The following SFI1 variants were observed in gnomAD, a reference collection of about 807,000 sequenced individuals.
SFI1 encodes the protein protein SFI1 homolog.
In SFI1, 195 loss-of-function variants were observed where a neutral mutation model predicts 207.5. That is an observed-to-expected ratio of 0.94 (90% CI 0.84 to 1.06). The LOEUF (loss-of-function observed/expected upper bound fraction) is 1.06. Ranked by LOEUF, SFI1 falls within the 50% of genes least tolerant of loss-of-function variation. The pLI, the probability that SFI1 is intolerant of heterozygous loss-of-function variation, is 0.00. For synonymous variants in SFI1, 630 were observed against 598.9 expected, an observed-to-expected ratio of 1.05 and a Z score of -0.76; for missense variants, 1,634 against 1,588.0, an observed-to-expected ratio of 1.03 and a Z score of -0.49.
chr22:31,562,451 A>C lies in SFI1; in HGVS notation c.765+1059A>C, dbSNP rs564933959. Reference sequence around the variant, plus strand: ...GGGCCCTGTCTCAAAAAAAAAAAAAAAAAAGAAGTAGATTTTATTGTGGTC... The same window carrying C: ...GGGCCCTGTCTCAAAAAAAAAAAAACAAAAGAAGTAGATTTTATTGTGGTC... On this transcript the variant is annotated intron_variant, in intron 8 of 32. Coordinates refer to ENST00000400288, the MANE Select transcript of SFI1 (RefSeq NM_001007467.3). Among the ~76,000 whole-genome samples the C allele has an allele frequency of 2.5e-4, 38 of 151,798 alleles. 1 individual carries two copies. The highest frequency in any genetic ancestry group is 1.8e-4 in the Non-Finnish European group (12 of 67,980).
intron 6 of SFI1, among the ~76,000 whole-genome samples, chr22:31,552,116 T>C (rs2060678534): frequency 6.6e-6 from 1 of 152,182 alleles, no homozygotes; most frequent in Non-Finnish European, 1.5e-5. Flanking sequence ...CGCTTATAAG[T>C]GAGAATATGT....
chr22:31,575,058 C>T (rs1006285897), intron 9 of SFI1, among the ~76,000 whole-genome samples, 173 bp from the exon 10 acceptor site: 5 of 119,104 alleles, frequency 4.2e-5, no homozygotes, highest in Non-Finnish European at 8.8e-5. Flanking sequence ...GACTCCAACT[C>T]AAAGAAAAAA....
At chr22:31,509,003 GA>G (rs2055088473) in intron 2 of SFI1, among the ~76,000 whole-genome samples, 1 of 152,090 alleles carries the variant, frequency 6.6e-6, no homozygotes, top group African/African-American at 2.4e-5. Flanking sequence ...AATGTTAATG[GA>G]TTTTGTCACA....
chr22:31,569,442 GGGTCAGAGGAACAAGTTAAAGACACC>G (rs1232292436), intron 8 of SFI1, among the ~76,000 whole-genome samples: 1 of 152,092 alleles, frequency 6.6e-6, no homozygotes, highest in Non-Finnish European at 1.5e-5. Context: ...GGAAATACAG[GGGTCAGAGGAACAAGTTAAAGACACC>G]TCGAGGTTAC....
chr22:31,575,182 G>T, intron 9 of SFI1, 49 bp from the exon 10 acceptor site: 1 of 1,118,664 alleles, frequency 8.9e-7, no homozygotes, highest in African/African-American at 3.4e-5. Flanking sequence ...GATGTTTCCA[G>T]CTCATCTAAC....
At chr22:31,557,110 C>A in intron 7 of SFI1, 51 bp downstream of exon 7, 1 of 1,141,524 alleles carries the variant, frequency 8.8e-7, no homozygotes, top group Non-Finnish European at 1.3e-6. Context: ...TTTACCTCAT[C>A]AGCTTTATGG....
In SFI1 at chr22:31,531,118, C is replaced by T; in HGVS notation, c.327C>T (p.Pro109=). ...GAATGACTTTTGGAAGAGTATTTCC[C>T]TCTAAAGCCAGGTAGTATTAGCTCA... The part of the protein sequence containing the change: ...WIRMTFGRVF[P]SKARFYYEQR... Residue 109 remains proline, a synonymous_variant, in exon 4 of 33, where the codon CCC becomes CCT. Transcript: ENST00000400288. 1.2e-6 allele frequency: 2 copies of T among 1,612,766 alleles called. No homozygotes were observed. Among genetic ancestry groups the T allele is most frequent in the South Asian group, 1.1e-5 (1 of 90,858 alleles).
At chr22:31,600,192 A>G (rs1463058839) in intron 15 of SFI1, among the ~76,000 whole-genome samples, 2 of 152,172 alleles carry the variant, frequency 1.3e-5, no homozygotes, top group Non-Finnish European at 1.5e-5. Flanking sequence ...CCAGCCTACA[A>G]CGTTACTATT....
At chr22:31,605,225 C>T (rs1427767329) in intron 20 of SFI1, 4 of 271,372 alleles carry the variant, frequency 1.5e-5, no homozygotes, top group Non-Finnish European at 2.8e-5. Flanking sequence ...CCCTGCTTCA[C>T]GCCTACAAAA....
chr22:31,580,391 A>G, intron 12 of SFI1, 27 bp downstream of exon 12: 1 of 1,579,712 alleles, frequency 6.3e-7, no homozygotes, highest in South Asian at 1.1e-5. Flanking sequence ...GTATCAAGGG[A>G]CCTCTTCTGA....
At position 31,613,780 on chromosome 22, in the gene SFI1, C is replaced by T. The variant is rs1329435765; in HGVS notation, c.2921C>T (p.Thr974Ile). 1 of 1,612,714 alleles carries T rather than the reference C, an allele frequency of 6.2e-7. No individual in the cohort carries two copies. Among genetic ancestry groups the T allele is most frequent in the South Asian group, 1.1e-5 (1 of 90,906 alleles). The change falls in exon 27 of 33, where the codon ACC becomes ATC. Residue 974 changes from threonine (T) to isoleucine (I), a missense_variant. Thr to Ile is a moderately conservative substitution (Grantham distance 89). Coordinates refer to ENST00000400288, the MANE Select transcript of SFI1 (RefSeq NM_001007467.3). ...GGGGCTGGGGATGGCACCCTTGAGA[C>T]CAAGAGGCCACAGGCTTCTCGGCCT... is the stretch of plus-strand genomic sequence containing the variant. ...AAGAGDGTLE[T>I]KRPQASRPLG... is the part of the protein sequence containing the mutation.
chr22:31,614,035 G>A (rs386506371), intron 27 of SFI1, 180 bp downstream of exon 27: 80 of 815,538 alleles, frequency 9.8e-5, no homozygotes, highest in Non-Finnish European at 1.4e-4. Context: ...GCAAGAGGGA[G>A]AGAATGGAGT....
At chr22:31,576,323 CCT>C (rs991127675) in intron 10 of SFI1, among the ~76,000 whole-genome samples, 1 of 150,878 alleles carries the variant, frequency 6.6e-6, no homozygotes, top group African/African-American at 2.4e-5. Context: ...GCGTACCCAG[CCT>C]CTTTTTTTTT....
chr22:31,542,743 C>T (rs905184275), intron 4 of SFI1, among the ~76,000 whole-genome samples: 6 of 151,530 alleles, frequency 4.0e-5, no homozygotes, highest in African/African-American at 1.5e-4. Flanking sequence ...CTCACTCCAA[C>T]CTCCACCTCC....
intron 21 of SFI1, chr22:31,606,693 C>CTTTTTTTTTT (rs10524692): frequency 3.4e-4 from 39 of 115,502 alleles, no homozygotes; most frequent in South Asian, 5.9e-4. Context: ...TTCTTTTTTT[C>CTTTTTTTTTT]TTTTTTTTTT....
At chr22:31,591,862 C>A (rs1478872454) in intron 15 of SFI1, among the ~76,000 whole-genome samples, 5 of 67,688 alleles carry the variant, frequency 7.4e-5, no homozygotes, top group Admixed American at 1.2e-4. Context: ...CGGGCAGAGG[C>A]GCCCCTCACC....
intron 6 of SFI1, among the ~76,000 whole-genome samples, chr22:31,553,843 T>TG (rs1283408437): frequency 6.4e-4 from 45 of 70,828 alleles, no homozygotes; most frequent in Non-Finnish European, 1.3e-3. Flanking sequence ...ATTATGTTTT[T>TG]TTTTTTTTTT....
rs1310424285 is a variant in SFI1, at chr22:31,508,405, T to A, written c.92+29T>A. ...AGTGATGGGACTTGAGAAAAAAATA[T>A]AACTGGAATGATGGTTCATATAAAA... On this transcript the variant is annotated intron_variant, in intron 2 of 32. Transcript: ENST00000400288. 2.1e-6 allele frequency: 3 copies of A among 1,440,824 alleles called. No homozygotes were observed. The African/African-American group carries it at 4.2e-5, about 20-fold the overall frequency. 89.3% of individuals were successfully genotyped at this position (1,440,824 alleles called of 1,614,324 possible). A position where few individuals can be genotyped will look rare whatever the true frequency, so the allele number is the denominator to read the frequency against.
intron 2 of SFI1, among the ~76,000 whole-genome samples, chr22:31,521,915 C>G (rs1160624071): frequency 6.6e-6 from 1 of 151,868 alleles, no homozygotes; most frequent in African/African-American, 2.4e-5. Flanking sequence ...AGGCATGCGT[C>G]ACCATGCTTG....
Sources: allele counts gnomAD v4.1 joint callset (sites outside exome capture counted in the v4.1 genomes callset), GRCh38; gene constraint gnomAD v4.1.1; transcripts MANE v1.5; gene names NCBI Gene and HGNC (gene_info 2026-07-23, HGNC 2026-07-21).